The following SPMAP1 variants were observed in gnomAD, a reference collection of about 807,000 sequenced individuals.
SPMAP1 encodes sperm microtubule associated protein 1, also known as uncharacterized protein C17orf98.
chr17:38,835,462 C>T, the SPMAP1 span: 1 of 1,086,196 alleles, frequency 9.2e-7, no homozygotes, highest in East Asian at 2.4e-5. Flanking sequence ...ATTCCCCATG[C>T]TGAACACGCA....
the SPMAP1 span, chr17:38,835,453 T>G: frequency 1.7e-6 from 2 of 1,176,780 alleles, no homozygotes; most frequent in African/African-American, 1.5e-5. Context: ...GTCACTTGCA[T>G]TCCCCATGCT....
the SPMAP1 span, among the ~76,000 whole-genome samples, chr17:38,837,673 C>T: frequency 1.4e-5 from 2 of 145,896 alleles, no homozygotes; most frequent in African/African-American, 5.1e-5. Flanking sequence ...AGCCAAACTC[C>T]ATCTAAAAAA....
the SPMAP1 span, among the ~76,000 whole-genome samples, chr17:38,835,553 AC>A: frequency 6.6e-6 from 1 of 152,136 alleles, no homozygotes; most frequent in Non-Finnish European, 1.5e-5. Flanking sequence ...TAGAAATAAA[AC>A]CCCGCACCAG....
the SPMAP1 span, among the ~76,000 whole-genome samples, chr17:38,840,335 G>C: frequency 5.4e-4 from 82 of 152,238 alleles, no homozygotes; most frequent in African/African-American, 1.9e-3. Flanking sequence ...CACCCTAGAG[G>C]GCGGGTCTGT....
the SPMAP1 span, chr17:38,837,203 TCTA>T: frequency 5.0e-6 from 8 of 1,614,006 alleles, no homozygotes; most frequent in Middle Eastern, 8.2e-4. Context: ...GTGGATGTAG[TCTA>T]CTATCCAGCC....
chr17:38,838,133 T>A, the SPMAP1 span, among the ~76,000 whole-genome samples: 1 of 152,076 alleles, frequency 6.6e-6, no homozygotes, highest in Non-Finnish European at 1.5e-5. Flanking sequence ...TCCACCCGCC[T>A]CGGCCTCCCA....
At chr17:38,840,016 G>A in the SPMAP1 span, among the ~76,000 whole-genome samples, 1 of 152,138 alleles carries the variant, frequency 6.6e-6, no homozygotes, top group East Asian at 1.9e-4. Flanking sequence ...GCAAAATGTT[G>A]GGGGAAAAAT....
the SPMAP1 span, among the ~76,000 whole-genome samples, chr17:38,836,407 C>T: frequency 6.6e-6 from 1 of 151,782 alleles, no homozygotes; most frequent in African/African-American, 2.4e-5. Flanking sequence ...TCAAGACCAG[C>T]GTGGGCCACA....
the SPMAP1 span, among the ~76,000 whole-genome samples, chr17:38,836,296 TG>T: frequency 6.6e-6 from 1 of 151,750 alleles, no homozygotes; most frequent in African/African-American, 2.4e-5. Flanking sequence ...ACCTGTGCCA[TG>T]GGGTTAGTGT....
chr17:38,835,577 G>A, the SPMAP1 span, among the ~76,000 whole-genome samples: 1 of 152,228 alleles, frequency 6.6e-6, no homozygotes, highest in Admixed American at 6.5e-5. Context: ...ATAATTGCAG[G>A]AAAACTGTGA....
At chr17:38,839,085 CAA>C in the SPMAP1 span, among the ~76,000 whole-genome samples, 6,041 of 63,454 alleles carry the variant, frequency 0.095, 162 homozygotes, top group East Asian at 0.39. Context: ...GACTCTGTCT[CAA>C]AAAAAAAAAA....
the SPMAP1 span, among the ~76,000 whole-genome samples, chr17:38,840,930 C>T: frequency 6.6e-6 from 1 of 151,680 alleles, no homozygotes; most frequent in Non-Finnish European, 1.5e-5. Flanking sequence ...CGCTTGAACC[C>T]GGGAGGCTGA....
chr17:38,839,467 CAA>C, the SPMAP1 span, among the ~76,000 whole-genome samples: 12 of 124,850 alleles, frequency 9.6e-5, no homozygotes, highest in Non-Finnish European at 6.5e-5. Context: ...GACCCTGTCT[CAA>C]AAAAAAAAAA....
chr17:38,835,252 G>A, the SPMAP1 span: 1 of 1,614,238 alleles, frequency 6.2e-7, no homozygotes. Context: ...GGGCTGGAGT[G>A]TTCCTGCGGT....
the SPMAP1 span, among the ~76,000 whole-genome samples, chr17:38,840,100 C>G: frequency 1.3e-5 from 2 of 152,100 alleles, no homozygotes; most frequent in African/African-American, 4.8e-5. Flanking sequence ...GGGAAGGGGC[C>G]TACACCTAGG....
the SPMAP1 span, among the ~76,000 whole-genome samples, chr17:38,839,222 G>C: frequency 6.6e-6 from 1 of 150,448 alleles, no homozygotes; most frequent in Non-Finnish European, 1.5e-5. Context: ...GTAAAATTAC[G>C]AGTCGATGCC....
the SPMAP1 span, among the ~76,000 whole-genome samples, chr17:38,839,740 CA>C: frequency 6.6e-6 from 1 of 151,750 alleles, no homozygotes; most frequent in African/African-American, 2.4e-5. Flanking sequence ...GCAGAGCTTG[CA>C]GTGAGCCGAG....
At chr17:38,839,786 C>T in the SPMAP1 span, among the ~76,000 whole-genome samples, 6 of 151,562 alleles carry the variant, frequency 4.0e-5, no homozygotes, top group East Asian at 9.7e-4. Flanking sequence ...GGCGACAGAG[C>T]GAGACTCCGT....
chr17:38,840,627 A>G, the SPMAP1 span, among the ~76,000 whole-genome samples: 57 of 136,274 alleles, frequency 4.2e-4, 2 homozygotes, highest in East Asian at 4.6e-3. Flanking sequence ...CAAAAAAAAA[A>G]AAAAAAAAAA....
Sources: allele counts gnomAD v4.1 joint callset (sites outside exome capture counted in the v4.1 genomes callset), GRCh38; gene constraint gnomAD v4.1.1; transcripts MANE v1.5; gene names NCBI Gene and HGNC (gene_info 2026-07-23, HGNC 2026-07-21).